The following LINS1 variants were observed in gnomAD, a reference collection of about 807,000 sequenced individuals.
LINS1 encodes the protein lines homolog 1.
Under a neutral mutation model 41.6 loss-of-function variants are expected in LINS1, and 27 were observed. The observed-to-expected ratio is 0.65, with a 90% CI of 0.48 to 0.89. LINS1 has a LOEUF of 0.89. Among genes scored for constraint, LINS1 ranks in the 40% least tolerant of loss-of-function variants. LINS1 has a pLI of 0.00. For missense variants in LINS1, 955 were observed against 884.1 expected, an observed-to-expected ratio of 1.08 and a Z score of -1.02; for synonymous variants, 336 against 312.9, an observed-to-expected ratio of 1.07 and a Z score of -0.78.
At chr15:100,579,186 T>C (rs1020706816) in intron 3 of LINS1, among the ~76,000 whole-genome samples, 3 of 147,434 alleles carry the variant, frequency 2.0e-5, no homozygotes, top group Non-Finnish European at 4.5e-5. Context: ...AAAATATATA[T>C]ATAAAAAAAT....
chr15:100,593,848 G>A (rs543127636), intron 1 of LINS1, among the ~76,000 whole-genome samples: 1 of 152,132 alleles, frequency 6.6e-6, no homozygotes, highest in Non-Finnish European at 1.5e-5. Flanking sequence ...CATGCTACGC[G>A]AGATCTAAAA....
intron 1 of LINS1, among the ~76,000 whole-genome samples, chr15:100,591,156 G>A (rs764582552): frequency 1.3e-5 from 2 of 152,082 alleles, no homozygotes; most frequent in East Asian, 1.9e-4. Context: ...CAGCCTGGGC[G>A]AAAAGAGCAA....
intron 3 of LINS1, 125 bp from the exon 4 acceptor site, chr15:100,575,253 G>T: frequency 1.4e-6 from 1 of 723,464 alleles, no homozygotes; most frequent in Non-Finnish European, 2.3e-6. Context: ...CACCGAGAAG[G>T]AACAGAAGTA....
chr15:100,578,267 T>C (rs111947360), intron 3 of LINS1, among the ~76,000 whole-genome samples: 1 of 152,026 alleles, frequency 6.6e-6, no homozygotes, highest in Non-Finnish European at 1.5e-5. Flanking sequence ...ATTTTTGCAA[T>C]CTACTCATCT....
At chr15:100,586,201 G>A (rs2038794215) in intron 1 of LINS1, 1 of 152,212 alleles carries the variant, frequency 6.6e-6, no homozygotes, top group Non-Finnish European at 1.5e-5. Flanking sequence ...TCAAGAGAAT[G>A]CAACTGTTTG....
intron 1 of LINS1, among the ~76,000 whole-genome samples, chr15:100,590,371 TTTAA>T (rs2038981241): frequency 6.6e-6 from 1 of 152,148 alleles, no homozygotes; most frequent in Admixed American, 6.5e-5. Context: ...GGTGAGAAAT[TTTAA>T]TGGTACACAC....
chr15:100,571,749 G>T (rs780731087), intron 6 of LINS1, 145 bp downstream of exon 6: 1 of 951,646 alleles, frequency 1.1e-6, no homozygotes, highest in Non-Finnish European at 1.6e-6. Flanking sequence ...TCCTTTTCAT[G>T]TAAGTCAGGG....
intron 5 of LINS1, 191 bp downstream of exon 5, chr15:100,573,460 A>G (rs1411621830): frequency 7.7e-6 from 7 of 906,660 alleles, no homozygotes; most frequent in Non-Finnish European, 1.1e-5. Context: ...TGTAGGCACA[A>G]AAAGCTGACA....
chr15:100,579,766 C>T (rs963294400), intron 3 of LINS1, among the ~76,000 whole-genome samples: 3 of 152,052 alleles, frequency 2.0e-5, no homozygotes, highest in Admixed American at 6.6e-5. Flanking sequence ...TTACATTAAA[C>T]CTGTGAAAAT....
In LINS1 at chr15:100,575,008, C is replaced by A; in HGVS notation, c.610G>T (p.Asp204Tyr). ...ATACCTGTTTTCTGTGAACATGAATCTTTAAAGATTTCTTTTATTATTGCT... is the reference window on the plus strand; with the variant it reads ...ATACCTGTTTTCTGTGAACATGAATATTTAAAGATTTCTTTTATTATTGCT... ...LTAIIKEIFK[D>Y]SCSQKTEILK... is the part of the protein sequence containing the mutation. The change falls in exon 4 of 7, where the codon GAT (aspartate) becomes TAT (tyrosine). Residue 204 changes from aspartate (D) to tyrosine (Y), a missense_variant. Physicochemically the swap from Asp to Tyr is radical, Grantham distance 160 (BLOSUM62 -3). Coordinates refer to ENST00000314742, the MANE Select transcript of LINS1 (RefSeq NM_001040616.3). 1 of 1,612,804 alleles carries A rather than the reference C, an allele frequency of 6.2e-7. No homozygotes were observed. The highest frequency in any genetic ancestry group is 8.5e-7 in the Non-Finnish European group (1 of 1,179,566).
chr15:100,567,588 G>T lies in LINS1; in HGVS notation c.*1650C>A, dbSNP rs1315545945. 5 of 152,178 alleles carry T rather than the reference G, an allele frequency of 3.3e-5. 1 individual carries two copies. The East Asian group carries it at 9.6e-4, about 29-fold the overall frequency. The allele number at this position is 152,178 out of a possible 1,614,324, so 9.4% of individuals were successfully genotyped here. ...TCACATCCACAAACGTGCATAGAAC[G>T]CATCTACCATTCCACTGACTATACA... On this transcript the variant is annotated 3_prime_UTR_variant, in exon 7 of 7. Coordinates refer to ENST00000314742, the MANE Select transcript of LINS1 (RefSeq NM_001040616.3).
In LINS1 at chr15:100,589,514, T is replaced by C. The variant is rs1016379375; in HGVS notation, c.-103-8569A>G. ...TATTCAAGAGGATATAAGTCTAATA[T>C]TAATTAAGCATGGACTCATGGAGGA... On this transcript the variant is annotated intron_variant, in intron 1 of 6. Coordinates refer to ENST00000314742, the MANE Select transcript of LINS1 (RefSeq NM_001040616.3). Among the ~76,000 whole-genome samples the C allele has an allele frequency of 2.0e-4, 31 of 152,370 alleles. 1 individual carries two copies. Among genetic ancestry groups the C allele is most frequent in the Middle Eastern group, 3.4e-3 (1 of 294 alleles).
At chr15:100,594,902 G>T (rs2039182295) in intron 1 of LINS1, among the ~76,000 whole-genome samples, 1 of 152,088 alleles carries the variant, frequency 6.6e-6, no homozygotes, top group African/African-American at 2.4e-5. Context: ...ACTTTTAGTG[G>T]CTATACCAAA....
intron 5 of LINS1, chr15:100,572,295 C>G: frequency 7.6e-7 from 1 of 1,315,344 alleles, no homozygotes; most frequent in Non-Finnish European, 9.7e-7. Context: ...AAATGTACAG[C>G]TACATCATCT....
chr15:100,569,919 C>T lies in LINS1; in HGVS notation c.1593G>A (p.Leu531=), dbSNP rs1387404423. The T allele has an allele frequency of 1.2e-6, 2 of 1,601,900 alleles. No homozygotes were observed. The highest frequency in any genetic ancestry group is 1.1e-5 in the South Asian group (1 of 89,170). Residue 531 remains leucine (L), a synonymous_variant, in exon 7 of 7, where the codon CTG becomes CTA. Transcript: ENST00000314742. ...TGAAAAAATTATCCCAGTCCTTTTG[C>T]AGTAATTTTAAATATCTAACAAAAT... The part of the protein sequence containing the change: ...LEYFVRYLKL[L]QKDWDNFFTI...
chr15:100,574,586 T>G (rs561249776), intron 4 of LINS1, among the ~76,000 whole-genome samples: 2 of 152,298 alleles, frequency 1.3e-5, no homozygotes, highest in East Asian at 3.9e-4. Context: ...TGAGCGCCTG[T>G]AATCCCAGCT....
chr15:100,579,926 T>C (rs1026661700), intron 3 of LINS1, among the ~76,000 whole-genome samples: 1 of 152,198 alleles, frequency 6.6e-6, no homozygotes. Context: ...CATTTAAGAC[T>C]CTAATCCTTG....
At chr15:100,600,551 C>CCAAAAAAAAAAAAA (rs777968890) in intron 1 of LINS1, among the ~76,000 whole-genome samples, 1 of 79,674 alleles carries the variant, frequency 1.3e-5, no homozygotes, top group African/African-American at 6.7e-5. Flanking sequence ...TGCTGTTAAG[C>CCAAAAAAAAAAAAA]AAAAAAAAAA....
intron 1 of LINS1, among the ~76,000 whole-genome samples, chr15:100,591,208 A>G (rs555233317): frequency 6.6e-6 from 1 of 152,316 alleles, no homozygotes; most frequent in African/African-American, 2.4e-5. Flanking sequence ...AAATAATAAT[A>G]GTTTCCCTTG....
Sources: allele counts gnomAD v4.1 joint callset (sites outside exome capture counted in the v4.1 genomes callset), GRCh38; gene constraint gnomAD v4.1.1; transcripts MANE v1.5; gene names NCBI Gene and HGNC (gene_info 2026-07-23, HGNC 2026-07-21).